The following SYT13 variants were observed in gnomAD, a reference collection of about 807,000 sequenced individuals.
The protein encoded by SYT13 is synaptotagmin-13.
Under a neutral mutation model 38.6 loss-of-function variants are expected in SYT13, and 21 were observed. The observed-to-expected ratio is 0.54, with a 90% CI of 0.39 to 0.78. The LOEUF is 0.78. Ranked by LOEUF, SYT13 falls within the 30% of genes least tolerant of loss-of-function variation. The pLI is 0.00. For missense variants in SYT13, 495 were observed against 548.7 expected (o/e 0.90, Z 0.98); for synonymous variants, 241 against 237.6 (o/e 1.01, Z -0.13).
At chr11:45,272,722 C>T (rs1426243631) in intron 1 of SYT13, among the ~76,000 whole-genome samples, 1 of 152,184 alleles carries the variant, frequency 6.6e-6, no homozygotes, top group Admixed American at 6.5e-5. Context: ...TAAATGAGAA[C>T]TATTTTTCCT....
At chr11:45,270,495 C>A (rs1854936652) in intron 1 of SYT13, among the ~76,000 whole-genome samples, 1 of 152,070 alleles carries the variant, frequency 6.6e-6, no homozygotes, top group Non-Finnish European at 1.5e-5. Flanking sequence ...ATTAACTAGG[C>A]CAACTGCTAT....
At position 45,264,489 on chromosome 11, in the gene SYT13, G is replaced by A. The variant is rs12292233; in HGVS notation, c.184-8598C>T. 4.8e-3 allele frequency among the ~76,000 whole-genome samples: 727 copies of A among 152,204 alleles called. 7 individuals are homozygous for A. Among genetic ancestry groups the A allele is most frequent in the African/African-American group, 0.016 (678 of 41,510 alleles). ...TAGAGAGCCCCATGTGCAAAGACCC[G>A]AGGGCACCGCAGGAAGAACTGAATC... On this transcript the variant is annotated intron_variant, in intron 1 of 5. Transcript: ENST00000020926.
At chr11:45,280,685 C>T (rs760332848) in intron 1 of SYT13, among the ~76,000 whole-genome samples, 4 of 152,174 alleles carry the variant, frequency 2.6e-5, no homozygotes, top group Non-Finnish European at 5.9e-5. Flanking sequence ...CATAAATAAA[C>T]TGTGCTGGCT....
chr11:45,267,589 T>C lies in SYT13; in HGVS notation c.184-11698A>G, dbSNP rs1049585169. Among the ~76,000 whole-genome samples, 3 of 152,220 alleles carry C rather than the reference T, an allele frequency of 2.0e-5. No homozygotes were observed. The South Asian group carries it at 6.2e-4, about 32-fold the overall frequency. On this transcript the variant is annotated intron_variant, in intron 1 of 5. Coordinates refer to ENST00000020926, the MANE Select transcript of SYT13 (RefSeq NM_020826.3). ...GTAGAGGTAGACACCCCCTCTCTCA[T>C]GTTAAGCTGCTCACAGGCACGGCCT...
rs777574512 is a variant in SYT13, at chr11:45,244,094, G to A, written c.1239C>T (p.Asn413=). Residue 413 remains asparagine, a synonymous_variant, in exon 6 of 6, where the codon AAC becomes AAT. Transcript: ENST00000020926. ...ERSHWEEMLK[N]PRRQIAMWHQ... ...GCCACATGGCAATCTGCCGGCGAGG[G>A]TTTTTGAGCATCTCCTCCCAGTGGC... The A allele has an allele frequency of 1.2e-6, 2 of 1,610,544 alleles. No individual in the cohort carries two copies. The highest frequency in any genetic ancestry group is 1.7e-6 in the Non-Finnish European group (2 of 1,179,254).
At chr11:45,251,996 G>A (rs910221522) in intron 4 of SYT13, among the ~76,000 whole-genome samples, 4 of 152,196 alleles carry the variant, frequency 2.6e-5, no homozygotes, top group African/African-American at 9.6e-5. Context: ...CCCCTAGTCT[G>A]TACACTCCTG....
intron 3 of SYT13, among the ~76,000 whole-genome samples, chr11:45,253,657 G>A (rs1854705558): frequency 6.6e-6 from 1 of 152,182 alleles, no homozygotes; most frequent in Non-Finnish European, 1.5e-5. Context: ...GCCACCCTCA[G>A]GCCGCTTGGC....
At position 45,252,114 on chromosome 11, in the gene SYT13, A is replaced by G. The variant is rs1378763971; in HGVS notation, c.846+307T>C. ...GCACACAGAGTATAACTGGATTGAA[A>G]TGGGGACAGTACTTCATAGCAGTAA... On this transcript the variant is annotated intron_variant, in intron 4 of 5. Coordinates refer to ENST00000020926, the MANE Select transcript of SYT13 (RefSeq NM_020826.3). The surrounding 1 kb of genome is among the most constrained non-coding windows in gnomAD (Gnocchi z 4.3). Among the ~76,000 whole-genome samples, 1 of 152,212 alleles carries G rather than the reference A, an allele frequency of 6.6e-6. No homozygotes were observed. Among genetic ancestry groups the G allele is most frequent in the Admixed American group, 6.5e-5 (1 of 15,294 alleles).
chr11:45,283,764 G>A (rs1009282851), intron 1 of SYT13, among the ~76,000 whole-genome samples: 2 of 152,238 alleles, frequency 1.3e-5, no homozygotes, highest in Non-Finnish European at 2.9e-5. Context: ...CATGGTGCAT[G>A]CACCAGTATT....
At chr11:45,270,883 T>C (rs1273794459) in intron 1 of SYT13, among the ~76,000 whole-genome samples, 2 of 152,220 alleles carry the variant, frequency 1.3e-5, no homozygotes, top group Admixed American at 6.5e-5. Context: ...TAGATTCTCC[T>C]TATATATTGG....
rs201858591 is a variant in SYT13 at position 45,272,343 on chromosome 11, CAAGA to C, written c.183+13678_183+13681del. 5.1e-4 allele frequency among the ~76,000 whole-genome samples: 78 copies of C among 152,030 alleles called. 1 individual carries two copies. Among genetic ancestry groups the C allele is most frequent in the South Asian group, 1.7e-3 (8 of 4,810 alleles). ...ATGTATCCCAGAAATTAAAGTATAA[CAAGA>C]AAGAAAGAAAGAAAGAAAAAAGCAG... On this transcript the variant is annotated intron_variant, in intron 1 of 5. Transcript: ENST00000020926.
At chr11:45,282,433 C>A (rs2135913194) in intron 1 of SYT13, among the ~76,000 whole-genome samples, 1 of 152,286 alleles carries the variant, frequency 6.6e-6, no homozygotes, top group East Asian at 1.9e-4. Flanking sequence ...TGCCTAGGGA[C>A]ACTTCCTCTG....
intron 1 of SYT13, among the ~76,000 whole-genome samples, chr11:45,277,161 A>G (rs1855020489): frequency 1.3e-5 from 2 of 152,212 alleles, no homozygotes; most frequent in Non-Finnish European, 2.9e-5. Context: ...ACCACATATC[A>G]TATGATTTTA....
rs192283535 is a variant in SYT13 at position 45,243,914 on chromosome 11, A to G, written c.*138T>C. ...TTGCTTATTTCTAAGAAACAAGAGT[A>G]TGATGAGAGAGCCATCCCAGCCTTG... On this transcript the variant is annotated 3_prime_UTR_variant, in exon 6 of 6. Coordinates refer to ENST00000020926, the MANE Select transcript of SYT13 (RefSeq NM_020826.3). 2.1e-5 allele frequency: 18 copies of G among 867,036 alleles called. No homozygotes were observed. The highest frequency in any genetic ancestry group is 1.4e-4 in the Admixed American group (6 of 41,686). The allele number at this position is 867,036 out of a possible 1,614,324, so 53.7% of individuals were successfully genotyped here.
chr11:45,274,736 A>G (rs1426103185), intron 1 of SYT13, among the ~76,000 whole-genome samples: 1 of 152,220 alleles, frequency 6.6e-6, no homozygotes, highest in Middle Eastern at 3.2e-3. Flanking sequence ...CATCTTTTCC[A>G]AAACATCCTT....
chr11:45,284,002 T>A (rs949284345), intron 1 of SYT13, among the ~76,000 whole-genome samples: 1 of 152,152 alleles, frequency 6.6e-6, no homozygotes, highest in African/African-American at 2.4e-5. Context: ...GTTTTATGTG[T>A]CAGTAGGCAA....
At chr11:45,277,654 T>C (rs563355543) in intron 1 of SYT13, among the ~76,000 whole-genome samples, 2 of 152,278 alleles carry the variant, frequency 1.3e-5, no homozygotes, top group South Asian at 4.2e-4. Context: ...CCACAGGACC[T>C]TTGCACAGGC....
intron 1 of SYT13, among the ~76,000 whole-genome samples, chr11:45,264,502 G>A (rs1244808743): frequency 6.6e-6 from 1 of 152,170 alleles, no homozygotes; most frequent in African/African-American, 2.4e-5. Flanking sequence ...GGCACCGCAG[G>A]AAGAACTGAA....
rs1487712749 is a variant in SYT13 at position 45,263,974 on chromosome 11, C to T, written c.184-8083G>A. 3.3e-5 allele frequency among the ~76,000 whole-genome samples: 5 copies of T among 152,264 alleles called. No homozygotes were observed. The South Asian group carries it at 8.3e-4, about 25-fold the overall frequency. On this transcript the variant is annotated intron_variant, in intron 1 of 5. Transcript: ENST00000020926. ...GACAGAGGCTAGCCCAGCCAACCCT[C>T]GACAAATGTCGGCAATATTTATGTG...
Sources: gnomAD v4.1 joint callset for allele counts (sites outside exome capture counted in the v4.1 genomes callset) on GRCh38, gnomAD v4.1.1 for gene constraint, Gnocchi (gnomAD v3.1) non-coding constraint, MANE v1.5 for transcripts, NCBI Gene and HGNC (gene_info 2026-07-23, HGNC 2026-07-21) for gene names.